FNTA: variants seen among roughly 807,000 people sequenced by gnomAD.
The protein encoded by FNTA is farnesyltransferase, CAAX box, subunit alpha.
In FNTA, 27 loss-of-function variants were observed where a neutral mutation model predicts 55.2. The observed-to-expected ratio is 0.49, with a 90% CI of 0.36 to 0.67. The LOEUF (loss-of-function observed/expected upper bound fraction) is 0.67. Among genes scored for constraint, FNTA ranks in the 30% least tolerant of loss-of-function variants. The pLI is 0.00. For missense variants in FNTA, 422 were observed against 464.7 expected, an observed-to-expected ratio of 0.91 and a Z score of 0.85; for synonymous variants, 176 against 170.7, an observed-to-expected ratio of 1.03 and a Z score of -0.24.
intron 7 of FNTA, among the ~76,000 whole-genome samples, chr8:43,084,391 A>T (rs561206424): frequency 6.6e-6 from 1 of 151,852 alleles, no homozygotes; most frequent in East Asian, 1.9e-4. Flanking sequence ...GCTGATTTTT[A>T]AAAAAATTTT....
Position 43,056,457 on chromosome 8 carries a change from A to C in FNTA, c.111A>C (p.Glu37Asp). 1 of 1,567,024 alleles carries C rather than the reference A, an allele frequency of 6.4e-7. No individual in the cohort carries two copies. The highest frequency in any genetic ancestry group is 8.6e-7 in the Non-Finnish European group (1 of 1,160,062). The stretch of plus-strand genomic sequence containing the variant: ...CGCCGCCCCAGCAGCAGCACAAGGA[A>C]GAGATGGCGGCCGAGGCTGGGGAAG... ...HPPPPQQQHK[E>D]EMAAEAGEAV... is the part of the protein sequence containing the mutation. The change falls in exon 1 of 9, where the codon GAA (glutamate) becomes GAC (aspartate). Residue 37 changes from glutamate (E) to aspartate (D), a missense_variant. By Grantham distance (45) the Glu-to-Asp change is conservative (BLOSUM62 2). Around this residue, in one of 2 missense-constraint regions of FNTA, gnomAD observed 160 missense variants for 121.6 expected, o/e 1.32. Coordinates refer to ENST00000302279, the MANE Select transcript of FNTA (RefSeq NM_002027.3).
intron 6 of FNTA, chr8:43,079,346 G>A (rs1810975207): frequency 6.4e-6 from 1 of 155,590 alleles, no homozygotes; most frequent in African/African-American, 2.4e-5. Flanking sequence ...TGCAGCTGGT[G>A]ACTTGAAGTT....
At chr8:43,083,277 AAAT>A in intron 7 of FNTA, 97 bp downstream of exon 7, 1 of 706,702 alleles carries the variant, frequency 1.4e-6, no homozygotes, top group Non-Finnish European at 2.3e-6. Flanking sequence ...AAAGGATAGT[AAAT>A]AATTTTTCAT....
intron 5 of FNTA, among the ~76,000 whole-genome samples, chr8:43,072,814 A>C (rs898494968): frequency 6.6e-6 from 1 of 152,120 alleles, no homozygotes; most frequent in South Asian, 2.1e-4. Context: ...GGATGTAGTA[A>C]ATTTTTAGTA....
chr8:43,076,033 TTTTTTATTTTTATTG>T (rs1301893025), intron 5 of FNTA, among the ~76,000 whole-genome samples: 3 of 151,718 alleles, frequency 2.0e-5, no homozygotes, highest in Middle Eastern at 3.2e-3. Flanking sequence ...CCCGACTAAT[TTTTTTATTTTTATTG>T]TTTTTATTTT....
chr8:43,060,502 C>T (rs1202486109), intron 2 of FNTA, among the ~76,000 whole-genome samples: 1 of 152,090 alleles, frequency 6.6e-6, no homozygotes, highest in African/African-American at 2.4e-5. Context: ...TGGCGAAACC[C>T]TGTCTCTACT....
chr8:43,083,998 G>A (rs556944708), intron 7 of FNTA, among the ~76,000 whole-genome samples: 112 of 152,132 alleles, frequency 7.4e-4, no homozygotes, highest in African/African-American at 2.6e-3. Context: ...GCTTGAACCT[G>A]GAGGTGGAGG....
chr8:43,077,414 C>T (rs537237858), intron 6 of FNTA, 50 bp downstream of exon 6: 2 of 1,479,502 alleles, frequency 1.4e-6, no homozygotes, highest in East Asian at 4.6e-5. Context: ...GTTTGCATGC[C>T]TACCATATCT....
intron 2 of FNTA, among the ~76,000 whole-genome samples, chr8:43,062,131 G>A (rs1163531543): frequency 6.6e-6 from 1 of 151,778 alleles, no homozygotes; most frequent in Non-Finnish European, 1.5e-5. Context: ...CAGCCTGATA[G>A]CCTCCCAGTT....
chr8:43,066,556 G>T (rs1022945149), intron 3 of FNTA, among the ~76,000 whole-genome samples: 3 of 150,388 alleles, frequency 2.0e-5, no homozygotes, highest in Non-Finnish European at 2.9e-5. Flanking sequence ...ACCTTGCCTG[G>T]CCTGAATATT....
At chr8:43,067,983 TC>T (rs1810700164) in intron 3 of FNTA, among the ~76,000 whole-genome samples, 1 of 152,226 alleles carries the variant, frequency 6.6e-6, no homozygotes. Flanking sequence ...CATTACAACT[TC>T]CGACTCCCGG....
intron 2 of FNTA, among the ~76,000 whole-genome samples, chr8:43,059,641 C>A (rs1810487357): frequency 6.6e-6 from 1 of 151,880 alleles, no homozygotes; most frequent in African/African-American, 2.4e-5. Flanking sequence ...ACAAAATATT[C>A]TTTTGTAATG....
chr8:43,073,609 A>C (rs1810845213), intron 5 of FNTA: 1 of 152,044 alleles, frequency 6.6e-6, no homozygotes, highest in Admixed American at 6.6e-5. Context: ...ACTGTGTGGC[A>C]CTTTCCTCTG....
At chr8:43,060,071 G>C (rs944966876) in intron 2 of FNTA, among the ~76,000 whole-genome samples, 1 of 152,190 alleles carries the variant, frequency 6.6e-6, no homozygotes, top group Non-Finnish European at 1.5e-5. Flanking sequence ...AAGCAGAGTT[G>C]TATCCCTATC....
At chr8:43,083,473 C>A (rs866565735) in intron 7 of FNTA, among the ~76,000 whole-genome samples, 13 of 152,184 alleles carry the variant, frequency 8.5e-5, no homozygotes, top group African/African-American at 3.1e-4. Context: ...ACACACACAC[C>A]CCCAGGCTCT....
At position 43,064,154 on chromosome 8, in the gene FNTA, G is replaced by T; in HGVS notation, c.340G>T (p.Glu114Ter). 6.2e-7 allele frequency: 1 copy of T among 1,614,122 alleles called. No homozygotes were observed. Among genetic ancestry groups the T allele is most frequent in the Non-Finnish European group, 8.5e-7 (1 of 1,179,988 alleles). ...RAVLQRDERS[E>*]RAFKLTRDAI... is the part of the protein sequence containing the mutation. Reference sequence around the variant, plus strand: ...TGTCCTGCAGCGTGATGAAAGAAGTGAACGAGCTTTTAAGCTAACCCGGGA... The same window carrying T: ...TGTCCTGCAGCGTGATGAAAGAAGTTAACGAGCTTTTAAGCTAACCCGGGA... Residue 114 changes from glutamate to a stop codon, truncating the protein, a stop_gained, in exon 3 of 9, where the codon GAA (glutamate) becomes TAA (stop). Transcript: ENST00000302279. LOFTEE classifies it high-confidence loss of function.
intron 6 of FNTA, chr8:43,082,207 A>T (rs1031468978): frequency 6.6e-6 from 1 of 152,208 alleles, no homozygotes; most frequent in African/African-American, 2.4e-5. Context: ...ATTTGTGATA[A>T]TTGAGTCTGA....
At chr8:43,070,288 A>C (rs1810758076) in intron 4 of FNTA, 1 of 151,940 alleles carries the variant, frequency 6.6e-6, no homozygotes, top group African/African-American at 2.4e-5. Context: ...AGCCTGGGGG[A>C]CCGAGTGAGA....
chr8:43,083,576 C>T (rs1027536652), intron 7 of FNTA, among the ~76,000 whole-genome samples: 10 of 152,180 alleles, frequency 6.6e-5, no homozygotes, highest in East Asian at 1.9e-4. Flanking sequence ...TAGAGATCTC[C>T]GCCTTCAGGT....
Sources: allele counts gnomAD v4.1 joint callset (sites outside exome capture counted in the v4.1 genomes callset), GRCh38; gene constraint gnomAD v4.1.1; regional missense constraint gnomAD v4.1.1; transcripts MANE v1.5; gene names NCBI Gene and HGNC (gene_info 2026-07-23, HGNC 2026-07-21).